The following UMAD1 variants were observed in gnomAD, a reference collection of about 807,000 sequenced individuals.
UMAD1 encodes the protein UBAP1-MVB12-associated (UMA)-domain containing protein 1.
A neutral mutation model predicts 6.1 loss-of-function variants in UMAD1; 8 were observed. That is an observed-to-expected ratio of 1.30 (90% CI 0.76 to 2.35). UMAD1 has a LOEUF of 2.35. Among genes scored for constraint, UMAD1 ranks in the 30% most tolerant of loss-of-function variants. The probability of loss-of-function intolerance (pLI) is 0.00; values close to 1 mark genes in which losing one functional copy is unlikely to be tolerated. For missense variants in UMAD1, 130 were observed against 78.4 expected, an observed-to-expected ratio of 1.66 and a Z score of -2.49; for synonymous variants, 56 against 31.4, an observed-to-expected ratio of 1.78 and a Z score of -2.61.
intron 3 of UMAD1, among the ~76,000 whole-genome samples, chr7:7,802,332 C>G (rs866537520): frequency 2.0e-5 from 3 of 151,208 alleles, no homozygotes; most frequent in African/African-American, 4.9e-5. Context: ...GAGCCTAGAT[C>G]GCGCCTCTGC....
intron 3 of UMAD1, among the ~76,000 whole-genome samples, chr7:7,824,318 T>C (rs1186789899): frequency 1.3e-5 from 2 of 152,162 alleles, no homozygotes; most frequent in African/African-American, 2.4e-5. Flanking sequence ...CCCTGATCTG[T>C]GTTCTAATTA....
chr7:7,662,067 C>T (rs560093399), intron 1 of UMAD1, among the ~76,000 whole-genome samples: 2 of 152,310 alleles, frequency 1.3e-5, no homozygotes, highest in African/African-American at 4.8e-5. Context: ...CTGTGGAGGG[C>T]TGTGCCCAGT....
In UMAD1 at chr7:7,855,581, G is replaced by C. The variant is rs748707830; in HGVS notation, c.157-21700G>C. Reference sequence around the variant, plus strand: ...CAAATCCCAAGGCTGCACACAGCAGGGGGGGCCCTAGACCCAGCCCAGGAA... The same window carrying C: ...CAAATCCCAAGGCTGCACACAGCAGCGGGGGCCCTAGACCCAGCCCAGGAA... On this transcript the variant is annotated intron_variant, in intron 3 of 3. Coordinates refer to ENST00000682710, the MANE Select transcript of UMAD1 (RefSeq NM_001302348.2). Among the ~76,000 whole-genome samples the C allele has an allele frequency of 6.6e-5, 10 of 152,310 alleles. No homozygotes were observed. In the South Asian group the frequency reaches 8.3e-4, roughly 13 times the overall value.
intron 2 of UMAD1, among the ~76,000 whole-genome samples, chr7:7,767,867 A>G (rs1049837618): frequency 3.3e-5 from 5 of 152,226 alleles, no homozygotes; most frequent in African/African-American, 1.2e-4. Context: ...TCTGTGTTCT[A>G]CTGCCTTATA....
intron 2 of UMAD1, among the ~76,000 whole-genome samples, chr7:7,706,729 G>T (rs1486381351): frequency 6.6e-6 from 1 of 152,174 alleles, no homozygotes; most frequent in African/African-American, 2.4e-5. Context: ...ACTAACTTGC[G>T]TAAGAGTGCG....
chr7:7,707,402 T>C (rs375062118), intron 2 of UMAD1, among the ~76,000 whole-genome samples: 1 of 152,182 alleles, frequency 6.6e-6, no homozygotes, highest in Non-Finnish European at 1.5e-5. Flanking sequence ...AAGCCTTGTG[T>C]TCAGTTTCTA....
At chr7:7,809,410 CTT>C (rs1306536450) in intron 3 of UMAD1, among the ~76,000 whole-genome samples, 11 of 151,830 alleles carry the variant, frequency 7.2e-5, no homozygotes, top group Admixed American at 7.2e-4. Flanking sequence ...TTTTTAAAAA[CTT>C]TTATTTTTAA....
intron 3 of UMAD1, among the ~76,000 whole-genome samples, chr7:7,875,992 T>C (rs887119640): frequency 6.6e-6 from 1 of 152,084 alleles, no homozygotes; most frequent in Non-Finnish European, 1.5e-5. Context: ...ACAGGGAGGA[T>C]ACAGTGAGCC....
intron 2 of UMAD1, among the ~76,000 whole-genome samples, chr7:7,801,415 A>G (rs965054161): frequency 3.3e-5 from 5 of 152,134 alleles, no homozygotes; most frequent in African/African-American, 9.7e-5. Flanking sequence ...AATTTATTTG[A>G]TTTTTCCAGA....
At chr7:7,776,458 C>T (rs964574182) in intron 2 of UMAD1, among the ~76,000 whole-genome samples, 3 of 152,094 alleles carry the variant, frequency 2.0e-5, no homozygotes, top group Non-Finnish European at 2.9e-5. Flanking sequence ...TAGTGGTAGC[C>T]AGGTTTAGGG....
intron 2 of UMAD1, among the ~76,000 whole-genome samples, chr7:7,716,026 G>T (rs1040089806): frequency 1.1e-4 from 16 of 152,240 alleles, no homozygotes; most frequent in African/African-American, 3.9e-4. Context: ...TTTTAAATTA[G>T]AAACTAATAT....
At chr7:7,858,755 T>A (rs1266146869) in intron 3 of UMAD1, among the ~76,000 whole-genome samples, 1 of 152,114 alleles carries the variant, frequency 6.6e-6, no homozygotes, top group East Asian at 1.9e-4. Context: ...TAACATCCGG[T>A]TTTCCATTTC....
intron 1 of UMAD1, among the ~76,000 whole-genome samples, chr7:7,649,539 G>T (rs62451450): frequency 6.6e-6 from 1 of 152,054 alleles, no homozygotes; most frequent in Admixed American, 6.5e-5. Context: ...TAATTTCCAC[G>T]TCAGTTTTTT....
chr7:7,693,508 G>T (rs1053468837), intron 2 of UMAD1, among the ~76,000 whole-genome samples: 4 of 152,054 alleles, frequency 2.6e-5, no homozygotes, highest in Non-Finnish European at 5.9e-5. Flanking sequence ...TGTTTTCCTG[G>T]ATGTCGATAG....
At chr7:7,679,659 T>G (rs1398272912) in intron 2 of UMAD1, among the ~76,000 whole-genome samples, 1 of 115,154 alleles carries the variant, frequency 8.7e-6, no homozygotes, top group Non-Finnish European at 1.7e-5. Flanking sequence ...AATATATATT[T>G]ATATATTTAA....
chr7:7,813,193 T>C (rs771392421), intron 3 of UMAD1, among the ~76,000 whole-genome samples: 4 of 151,176 alleles, frequency 2.6e-5, no homozygotes, highest in African/African-American at 4.9e-5. Flanking sequence ...CCCCATTCCT[T>C]ACTATGTGCC....
intron 3 of UMAD1, among the ~76,000 whole-genome samples, chr7:7,821,091 A>G (rs1783232811): frequency 6.6e-6 from 1 of 152,222 alleles, no homozygotes; most frequent in African/African-American, 2.4e-5. Flanking sequence ...TGTGTTCATG[A>G]ACACAAAAGA....
In UMAD1 at chr7:7,664,579, A is replaced by G. The variant is rs184944388; in HGVS notation, c.-63-8730A>G. Among the ~76,000 whole-genome samples the G allele has an allele frequency of 2.0e-5, 3 of 152,272 alleles. No individual in the cohort carries two copies. In the East Asian group the frequency reaches 5.8e-4, roughly 29 times the overall value. On this transcript the variant is annotated intron_variant, in intron 1 of 3. Coordinates refer to ENST00000682710, the MANE Select transcript of UMAD1 (RefSeq NM_001302348.2). The stretch of plus-strand genomic sequence containing the variant: ...GAGGTTAATCTCTTTGCTTTCCTCT[A>G]TACCCACTATGCTTTTTGTTCATGT...
intron 1 of UMAD1, among the ~76,000 whole-genome samples, chr7:7,670,775 CA>C (rs1779586687): frequency 6.6e-6 from 1 of 152,148 alleles, no homozygotes; most frequent in South Asian, 2.1e-4. Flanking sequence ...GCATAATTGC[CA>C]AAACCACTCC....
Sources: allele counts gnomAD v4.1 joint callset (sites outside exome capture counted in the v4.1 genomes callset), GRCh38; gene constraint gnomAD v4.1.1; transcripts MANE v1.5; gene names NCBI Gene and HGNC (gene_info 2026-07-23, HGNC 2026-07-21).